HHAT: variants seen among roughly 807,000 people sequenced by gnomAD.
HHAT encodes the protein hedgehog acyltransferase.
HHAT carries 47 observed loss-of-function variants against 70.8 expected under a neutral mutation model. The observed-to-expected ratio is 0.66, with a 90% confidence interval of 0.53 to 0.85. The LOEUF (loss-of-function observed/expected upper bound fraction) is 0.85, where lower values mean the gene tolerates loss of function less well. Ranked by LOEUF, HHAT falls within the 40% of genes least tolerant of loss-of-function variation. The probability of loss-of-function intolerance (pLI) is 0.00; values close to 1 mark genes in which losing one functional copy is unlikely to be tolerated. For missense variants in HHAT, 609 were observed against 604.8 expected (o/e 1.01, Z -0.07); for synonymous variants, 228 against 247.6 (o/e 0.92, Z 0.74).
At chr1:210,485,688 A>T (rs2094463768) in intron 8 of HHAT, among the ~76,000 whole-genome samples, 1 of 152,136 alleles carries the variant, frequency 6.6e-6, no homozygotes, top group South Asian at 2.1e-4. Context: ...ATGGCAGCAG[A>T]CAAAGAGAGA....
rs548953382 is a variant in HHAT, at chr1:210,408,975, C to T, written c.684+4296C>T. Reference sequence around the variant, plus strand: ...CTCCCGAGCTCAAGTGATCCTCCCACCTCAGCCTCCTGAGTAGCTAGGACT... The same window carrying T: ...CTCCCGAGCTCAAGTGATCCTCCCATCTCAGCCTCCTGAGTAGCTAGGACT... On this transcript the variant is annotated intron_variant, in intron 6 of 11. Transcript: ENST00000261458. Among the ~76,000 whole-genome samples the T allele has an allele frequency of 5.3e-5, 8 of 152,304 alleles. No individual in the cohort carries two copies. The East Asian group carries it at 1.5e-3, about 29-fold the overall frequency.
At chr1:210,574,539 C>G (rs1657177858) in intron 9 of HHAT, among the ~76,000 whole-genome samples, 1 of 152,222 alleles carries the variant, frequency 6.6e-6, no homozygotes, top group South Asian at 2.1e-4. Context: ...TGCTTCCTGA[C>G]AACAAAGAAC....
intron 6 of HHAT, among the ~76,000 whole-genome samples, chr1:210,405,127 G>A (rs1558450092): frequency 6.6e-6 from 1 of 152,180 alleles, no homozygotes; most frequent in East Asian, 1.9e-4. Context: ...TCCTGCCATA[G>A]CCTGGGAGCT....
intron 1 of HHAT, among the ~76,000 whole-genome samples, chr1:210,336,499 A>G (rs2147922719): frequency 6.6e-6 from 1 of 152,084 alleles, no homozygotes; most frequent in African/African-American, 2.4e-5. Flanking sequence ...TGAAAGCCCT[A>G]AGGGCTGGGC....
intron 11 of HHAT, among the ~76,000 whole-genome samples, chr1:210,645,945 CAGG>C (rs1234460761): frequency 5.9e-5 from 9 of 152,280 alleles, no homozygotes; most frequent in Middle Eastern, 3.4e-3. Flanking sequence ...AGATTTCCAT[CAGG>C]AGTTTAGCCT....
chr1:210,588,969 G>C (rs773274925), intron 10 of HHAT: 4 of 152,160 alleles, frequency 2.6e-5, no homozygotes, highest in Admixed American at 6.5e-5. Context: ...TTTAAACTAT[G>C]GGCATAGCTT....
chr1:210,384,311 A>G (rs2090878219), intron 3 of HHAT, among the ~76,000 whole-genome samples: 5 of 152,032 alleles, frequency 3.3e-5, no homozygotes, highest in Admixed American at 3.3e-4. Flanking sequence ...TCTGTTGGTG[A>G]GTGTTAGGTA....
chr1:210,427,421 C>G (rs1411405122), intron 7 of HHAT, among the ~76,000 whole-genome samples: 2 of 152,108 alleles, frequency 1.3e-5, no homozygotes, highest in Non-Finnish European at 2.9e-5. Context: ...ATCTTTCTAA[C>G]TTTTTGTTGT....
At chr1:210,330,514 G>T (rs919518260) in intron 1 of HHAT, among the ~76,000 whole-genome samples, 3 of 152,056 alleles carry the variant, frequency 2.0e-5, no homozygotes, top group African/African-American at 7.2e-5. Flanking sequence ...TGTTTACTTT[G>T]CCCCCTCCTT....
chr1:210,492,000 C>CCTTG (rs2094559496), intron 8 of HHAT, among the ~76,000 whole-genome samples: 2 of 152,174 alleles, frequency 1.3e-5, no homozygotes, highest in South Asian at 4.2e-4. Flanking sequence ...TGACCTCAGG[C>CCTTG]AATCTGCCTG....
rs1468949277 is a variant in HHAT at position 210,421,668 on chromosome 1, C to T, written c.856+3343C>T. 2.6e-5 allele frequency among the ~76,000 whole-genome samples: 4 copies of T among 152,252 alleles called. No individual in the cohort carries two copies. The East Asian group carries it at 7.7e-4, about 29-fold the overall frequency. On this transcript the variant is annotated intron_variant, in intron 7 of 11. Coordinates refer to ENST00000261458, the MANE Select transcript of HHAT (RefSeq NM_018194.6). ...CCATGTTGGCCAGGCTGGTCTTGAA[C>T]TCCTGACCTCAAGTGATCCACCCAC...
chr1:210,641,492 A>T (rs542795387), intron 11 of HHAT, among the ~76,000 whole-genome samples: 1 of 152,226 alleles, frequency 6.6e-6, no homozygotes, highest in Non-Finnish European at 1.5e-5. Context: ...GCACCAACCT[A>T]ATAACAATAT....
At chr1:210,658,141 G>C (rs141125573) in intron 11 of HHAT, among the ~76,000 whole-genome samples, 1 of 152,210 alleles carries the variant, frequency 6.6e-6, no homozygotes, top group East Asian at 1.9e-4. Context: ...CTCTCAGACC[G>C]GGTTCTACCT....
At chr1:210,398,745 C>CT (rs574856799) in intron 4 of HHAT, among the ~76,000 whole-genome samples, 5 of 152,276 alleles carry the variant, frequency 3.3e-5, no homozygotes, top group Admixed American at 1.3e-4. Context: ...AAAGAAGCCC[C>CT]TTTTTTTCAT....
chr1:210,478,602 G>A (rs917977625), intron 8 of HHAT, among the ~76,000 whole-genome samples: 5 of 152,158 alleles, frequency 3.3e-5, no homozygotes, highest in African/African-American at 1.2e-4. Context: ...TAGGTGAGGT[G>A]GAGAGTGATT....
chr1:210,408,084 G>A (rs192139827), intron 6 of HHAT, among the ~76,000 whole-genome samples: 60 of 152,242 alleles, frequency 3.9e-4, no homozygotes, highest in African/African-American at 1.4e-3. Context: ...TCAGTGAAAT[G>A]GGAAGAATAA....
intron 11 of HHAT, among the ~76,000 whole-genome samples, chr1:210,653,278 C>T (rs1380145073): frequency 6.6e-6 from 1 of 152,142 alleles, no homozygotes; most frequent in Non-Finnish European, 1.5e-5. Flanking sequence ...TGCAGTGGCT[C>T]ACACCTGTAA....
chr1:210,409,781 C>T (rs898312102), intron 6 of HHAT, among the ~76,000 whole-genome samples: 7 of 152,162 alleles, frequency 4.6e-5, no homozygotes, highest in Non-Finnish European at 1.0e-4. Flanking sequence ...CATAGCTATT[C>T]CTTTTTATGC....
At chr1:210,366,420 A>G (rs2088973992) in intron 3 of HHAT, among the ~76,000 whole-genome samples, 1 of 152,138 alleles carries the variant, frequency 6.6e-6, no homozygotes, top group South Asian at 2.1e-4. Context: ...CATTGAGGTC[A>G]GGAGTAGCCT....
Sources: gnomAD v4.1 joint callset for allele counts (sites outside exome capture counted in the v4.1 genomes callset) on GRCh38, gnomAD v4.1.1 for gene constraint, MANE v1.5 for transcripts, NCBI Gene and HGNC (gene_info 2026-07-23, HGNC 2026-07-21) for gene names.